The following RUSC2 variants were observed in gnomAD, a reference collection of about 807,000 sequenced individuals.
RUSC2 encodes the protein AP-4 complex accessory subunit RUSC2.
Under a neutral mutation model 122.2 loss-of-function variants are expected in RUSC2, and 34 were observed. That is an observed-to-expected ratio of 0.28 (90% CI 0.21 to 0.37). The LOEUF is 0.37. Among genes scored for constraint, RUSC2 ranks in the 10% least tolerant of loss-of-function variants. The pLI, the probability that RUSC2 is intolerant of heterozygous loss-of-function variation, is 1.00. For synonymous variants in RUSC2, 784 were observed against 790.0 expected, an observed-to-expected ratio of 0.99 and a Z score of 0.13; for missense variants, 1,747 against 1,952.4, an observed-to-expected ratio of 0.89 and a Z score of 1.98.
chr9:35,561,498 ATCCCTGTGCTGGCACCTGC>A lies in RUSC2; in HGVS notation c.*127_*145del, dbSNP rs1341202722. ...AGTAGACTGAGAGCTGGGGCCACGT[ATCCCTGTGCTGGCACCTGC>A]TCCCTGTGCTCAGTATTAATTACGC... On this transcript the variant is annotated 3_prime_UTR_variant, in exon 12 of 12. Transcript: ENST00000361226. 1.2e-6 allele frequency: 1 copy of A among 818,888 alleles called. No homozygotes were observed. Among genetic ancestry groups the A allele is most frequent in the Non-Finnish European group, 1.9e-6 (1 of 516,200 alleles). The allele number at this position is 818,888 out of a possible 1,614,324, so 50.7% of individuals were successfully genotyped here.
chr9:35,513,940 T>TATATATATA (rs1587842452), intron 1 of RUSC2, among the ~76,000 whole-genome samples: 1 of 97,528 alleles, frequency 1.0e-5, no homozygotes, highest in African/African-American at 3.5e-5. Flanking sequence ...ATATATATAT[T>TATATATATA]ACTTTATGTG....
intron 2 of RUSC2, among the ~76,000 whole-genome samples, chr9:35,552,349 A>G (rs1821916883): frequency 1.3e-5 from 2 of 152,226 alleles, no homozygotes; most frequent in African/African-American, 4.8e-5. Context: ...TGACAAAGTG[A>G]GACTCTGTCT....
At chr9:35,506,635 G>T (rs1275952413) in intron 1 of RUSC2, among the ~76,000 whole-genome samples, 3 of 152,160 alleles carry the variant, frequency 2.0e-5, no homozygotes, top group Non-Finnish European at 1.5e-5. Context: ...CATTCACAGA[G>T]ATTATAGCCT....
intron 1 of RUSC2, among the ~76,000 whole-genome samples, chr9:35,520,467 A>G (rs1037096568): frequency 1.3e-5 from 2 of 151,816 alleles, no homozygotes; most frequent in Non-Finnish European, 2.9e-5. Context: ...TTCAATCTAG[A>G]TTCTTCTCAT....
chr9:35,493,061 G>A (rs955036932), intron 1 of RUSC2, among the ~76,000 whole-genome samples: 51 of 151,820 alleles, frequency 3.4e-4, no homozygotes, highest in African/African-American at 1.2e-3. Context: ...ATTTCACAGG[G>A]GTTTGTTGTA....
rs367893001 is a variant in RUSC2 at position 35,547,320 on chromosome 9, G to T, written c.799G>T (p.Gly267Cys). The T allele has an allele frequency of 6.2e-7, 1 of 1,614,038 alleles. No individual in the cohort carries two copies. Among genetic ancestry groups the T allele is most frequent in the African/African-American group, 1.3e-5 (1 of 74,892 alleles). ...GTCCGAGGCAGCTGACCAGTCCATG[G>T]GCTATGTGAGCGACTCCTCCTGCAA... Reference protein sequence around the residue: ...SQSEAADQSMGYVSDSSCNSS... With the variant: ...SQSEAADQSMCYVSDSSCNSS... The change falls in exon 2 of 12, where the codon GGC becomes TGC. Residue 267 changes from glycine to cysteine, a missense_variant. Transcript: ENST00000361226. The surrounding 1 kb of genome is among the most constrained non-coding windows in gnomAD (Gnocchi z 4.6).
At chr9:35,532,075 G>A (rs1821431443) in intron 1 of RUSC2, among the ~76,000 whole-genome samples, 1 of 152,134 alleles carries the variant, frequency 6.6e-6, no homozygotes, top group South Asian at 2.1e-4. Flanking sequence ...TTGGAAGGAA[G>A]ACTCAGCATG....
Position 35,557,879 on chromosome 9 carries a change from C to T in RUSC2, c.2984-35C>T. On this transcript the variant is annotated intron_variant, in intron 5 of 11. Coordinates refer to ENST00000361226, the MANE Select transcript of RUSC2 (RefSeq NM_014806.5). The surrounding 1 kb of genome is among the most constrained non-coding windows in gnomAD (Gnocchi z 4.6). ...CCCAGCTGAGTTGGTTAAGGACTTGCTCAGGGACCTGTCACATCACATTCT... is the reference window on the plus strand; with the variant it reads ...CCCAGCTGAGTTGGTTAAGGACTTGTTCAGGGACCTGTCACATCACATTCT... 1.3e-6 allele frequency: 2 copies of T among 1,599,554 alleles called. No homozygotes were observed. Among genetic ancestry groups the T allele is most frequent in the South Asian group, 1.1e-5 (1 of 90,784 alleles).
intron 1 of RUSC2, among the ~76,000 whole-genome samples, chr9:35,499,265 C>T (rs1026323324): frequency 1.9e-4 from 29 of 151,942 alleles, no homozygotes; most frequent in Non-Finnish European, 2.6e-4. Flanking sequence ...CCAGCCTGGG[C>T]GACAGAGTGA....
intron 2 of RUSC2, among the ~76,000 whole-genome samples, chr9:35,550,310 G>C (rs1000248794): frequency 1.3e-5 from 2 of 150,304 alleles, no homozygotes; most frequent in African/African-American, 4.9e-5. Context: ...GTGTAGATTG[G>C]AAAGTCATTG....
chr9:35,512,898 T>C, intron 1 of RUSC2, among the ~76,000 whole-genome samples: 1 of 152,156 alleles, frequency 6.6e-6, no homozygotes, highest in East Asian at 1.9e-4. Context: ...AGTTTAACCT[T>C]ATGAAATGGG....
Position 35,555,078 on chromosome 9 carries a change from G to C in RUSC2, c.2033G>C (p.Arg678Pro). 1.2e-6 allele frequency: 2 copies of C among 1,612,540 alleles called. No homozygotes were observed. Among genetic ancestry groups the C allele is most frequent in the Non-Finnish European group, 1.7e-6 (2 of 1,179,982 alleles). The change falls in exon 3 of 12, where the codon CGA (arginine) becomes CCA (proline). Residue 678 changes from arginine to proline, a missense_variant. By Grantham distance (103) the Arg-to-Pro change is moderately radical. Transcript: ENST00000361226. This position sits in a 1 kb window ranked among gnomAD's most constrained non-coding sequence, Gnocchi z 4.6. ...GCTACAGGGGGTGGCACCGAGAGCC[G>C]ACCAGTCCTTCGCTACAGCAAGGAA... ...ARADGGGTES[R>P]PVLRYSKEQR... is the part of the protein sequence containing the mutation.
chr9:35,499,495 T>C (rs1820783816), intron 1 of RUSC2, among the ~76,000 whole-genome samples: 1 of 152,118 alleles, frequency 6.6e-6, no homozygotes, highest in South Asian at 2.1e-4. Context: ...CTCTGAGGTA[T>C]GTGTTGTATT....
At chr9:35,495,078 TAG>T (rs1418495688) in intron 1 of RUSC2, among the ~76,000 whole-genome samples, 1 of 54,360 alleles carries the variant, frequency 1.8e-5, no homozygotes, top group African/African-American at 1.4e-4. Context: ...ATATTATATA[TAG>T]TATATATTAT....
intron 1 of RUSC2, among the ~76,000 whole-genome samples, chr9:35,544,307 C>CTTTTTTTT (rs55870659): frequency 3.5e-5 from 4 of 113,114 alleles, no homozygotes; most frequent in Non-Finnish European, 3.4e-5. Context: ...GATCATATGT[C>CTTTTTTTT]TTTTTTTTTT....
At chr9:35,553,416 A>G (rs759036901) in intron 2 of RUSC2, among the ~76,000 whole-genome samples, 2 of 152,222 alleles carry the variant, frequency 1.3e-5, no homozygotes, top group East Asian at 3.8e-4. Flanking sequence ...TGAACAATAT[A>G]AAATCCCCAC....
chr9:35,499,166 A>G lies in RUSC2; in HGVS notation c.-93+8994A>G, dbSNP rs553737007. On this transcript the variant is annotated intron_variant, in intron 1 of 11. Transcript: ENST00000361226. ...GCCAAGCGTGGTGGCATGCACATGT[A>G]ATCCCAGCTACTTGGGAGGCTGAGG... is the stretch of plus-strand genomic sequence containing the variant. Among the ~76,000 whole-genome samples, 25 of 152,204 alleles carry G rather than the reference A, an allele frequency of 1.6e-4. No homozygotes were observed. The South Asian group carries it at 5.0e-3, about 30-fold the overall frequency.
chr9:35,524,046 A>G (rs1452648064), intron 1 of RUSC2, among the ~76,000 whole-genome samples: 1 of 151,810 alleles, frequency 6.6e-6, no homozygotes, highest in African/African-American at 2.4e-5. Flanking sequence ...TTTTTTGGCC[A>G]GGCGCAGTGG....
chr9:35,527,746 T>A (rs547355390), intron 1 of RUSC2, among the ~76,000 whole-genome samples: 5 of 152,338 alleles, frequency 3.3e-5, no homozygotes, highest in African/African-American at 1.2e-4. Context: ...ATCTTTAATT[T>A]TGAGAATTTT....
Sources: allele counts gnomAD v4.1 joint callset (sites outside exome capture counted in the v4.1 genomes callset), GRCh38; gene constraint gnomAD v4.1.1; non-coding constraint Gnocchi (gnomAD v3.1); transcripts MANE v1.5; gene names NCBI Gene and HGNC (gene_info 2026-07-23, HGNC 2026-07-21).